The following DPP6 variants were observed in gnomAD, a reference collection of about 807,000 sequenced individuals.
The protein encoded by DPP6 is dipeptidyl peptidase like 6.
DPP6 carries 69 observed loss-of-function variants against 122.6 expected under a neutral mutation model. The observed-to-expected ratio is 0.56, with a 90% CI of 0.46 to 0.69. The LOEUF is 0.69. DPP6 is among the 30% of genes least tolerant of loss of function. DPP6 has a pLI of 0.00. For missense variants in DPP6, 928 were observed against 1,116.9 expected, an observed-to-expected ratio of 0.83 and a Z score of 2.41; for synonymous variants, 418 against 433.1, an observed-to-expected ratio of 0.97 and a Z score of 0.43.
chr7:153,977,382 G>A lies in DPP6; in HGVS notation c.51+89648G>A, dbSNP rs888837954. ...GTGCACAGCTGTGGCTGACAGCAGCGGCCTTTGCCACAATCAGTACTGGGC... is the reference window on the plus strand; with the variant it reads ...GTGCACAGCTGTGGCTGACAGCAGCAGCCTTTGCCACAATCAGTACTGGGC... On this transcript the variant is annotated intron_variant, in intron 1 of 25. Transcript: ENST00000404039. Among the ~76,000 whole-genome samples the A allele has an allele frequency of 6.6e-5, 10 of 152,182 alleles. No homozygotes were observed. The South Asian group carries it at 1.0e-3, about 16-fold the overall frequency.
At chr7:154,239,431 C>A (rs1175987768) in intron 1 of DPP6, among the ~76,000 whole-genome samples, 2 of 152,164 alleles carry the variant, frequency 1.3e-5, no homozygotes, top group Non-Finnish European at 2.9e-5. Context: ...TCCTACTCAA[C>A]ATGAAGATGA....
At chr7:154,015,770 T>C (rs528846449) in intron 1 of DPP6, among the ~76,000 whole-genome samples, 1 of 152,176 alleles carries the variant, frequency 6.6e-6, no homozygotes, top group Non-Finnish European at 1.5e-5. Context: ...CACTGTTGTC[T>C]CTCACTGGAA....
At chr7:154,432,783 A>C (rs771512075) in intron 1 of DPP6, among the ~76,000 whole-genome samples, 3 of 152,212 alleles carry the variant, frequency 2.0e-5, no homozygotes, top group Non-Finnish European at 4.4e-5. Flanking sequence ...ATCACAGGTC[A>C]TGAGTTCTGT....
chr7:153,782,893 G>C, the DPP6 span, among the ~76,000 whole-genome samples: 2 of 152,170 alleles, frequency 1.3e-5, no homozygotes, highest in Non-Finnish European at 2.9e-5. Context: ...CTGGACAAGA[G>C]AGCTGAGACC....
intron 21 of DPP6, chr7:154,885,418 C>T (rs1263424883): frequency 2.2e-5 from 13 of 589,754 alleles, no homozygotes; most frequent in East Asian, 9.6e-5. Flanking sequence ...GGCCCAGAAG[C>T]GGAGAAGGCG....
intron 1 of DPP6, among the ~76,000 whole-genome samples, chr7:153,911,037 G>T (rs1338610706): frequency 2.0e-5 from 3 of 152,194 alleles, no homozygotes; most frequent in Non-Finnish European, 4.4e-5. Context: ...ACACGGGTCA[G>T]ATTACTTCAC....
intron 1 of DPP6, among the ~76,000 whole-genome samples, chr7:154,206,875 G>T (rs112505210): frequency 8.5e-5 from 13 of 152,308 alleles, no homozygotes; most frequent in African/African-American, 2.9e-4. Flanking sequence ...TTTTAAATGC[G>T]TATGGGGTCA....
chr7:153,917,133 T>A (rs1387567547), intron 1 of DPP6, among the ~76,000 whole-genome samples: 7 of 152,206 alleles, frequency 4.6e-5, no homozygotes, highest in Non-Finnish European at 1.0e-4. Context: ...GGATGCTGCA[T>A]CTGTGAGCTG....
chr7:154,085,528 G>A (rs1016183123), intron 1 of DPP6, among the ~76,000 whole-genome samples: 4 of 152,094 alleles, frequency 2.6e-5, no homozygotes, highest in African/African-American at 9.7e-5. Context: ...TTTGCTGAAC[G>A]AACACAGTAA....
chr7:154,874,140 G>T (rs918218443), intron 19 of DPP6, among the ~76,000 whole-genome samples: 3 of 147,910 alleles, frequency 2.0e-5, no homozygotes, highest in Non-Finnish European at 4.5e-5. Flanking sequence ...CCACACATGT[G>T]CACACACACC....
At chr7:154,129,640 C>T (rs1808212497) in intron 1 of DPP6, among the ~76,000 whole-genome samples, 1 of 152,216 alleles carries the variant, frequency 6.6e-6, no homozygotes, top group South Asian at 2.1e-4. Context: ...TGGCTTACGC[C>T]TGTAATCCCA....
In DPP6 at chr7:154,328,187, T is replaced by A. The variant is rs1161194642; in HGVS notation, c.244-118027T>A. On this transcript the variant is annotated intron_variant, in intron 1 of 25. Transcript: ENST00000377770. ...TGGGTTGCTTGGCCCACACCCTGAG[T>A]GTAATATGTGATCAGGGTTAGAAAG... is the stretch of plus-strand genomic sequence containing the variant. Among the ~76,000 whole-genome samples, 3 of 152,006 alleles carry A rather than the reference T, an allele frequency of 2.0e-5. No homozygotes were observed. The East Asian group carries it at 5.8e-4, about 29-fold the overall frequency.
chr7:153,940,653 ACT>A lies in DPP6; in HGVS notation c.51+52922_51+52923del, dbSNP rs921201608. Among the ~76,000 whole-genome samples, 53 of 152,022 alleles carry A rather than the reference ACT, an allele frequency of 3.5e-4. 2 individuals are homozygous for A. The highest frequency in any genetic ancestry group is 3.1e-3 in the Admixed American group (48 of 15,258). On this transcript the variant is annotated intron_variant, in intron 1 of 25. Transcript: ENST00000404039. The stretch of plus-strand genomic sequence containing the variant: ...ATTTCCCCTTGCATCTCCCTGTAGG[ACT>A]CTGATGATTCATGTTGACATGTGTT...
chr7:154,371,398 A>C (rs1172137818), intron 1 of DPP6, among the ~76,000 whole-genome samples: 1 of 141,398 alleles, frequency 7.1e-6, no homozygotes, highest in East Asian at 1.9e-4. Flanking sequence ...AAAAAAAAAA[A>C]AAAAAAGAAA....
intron 1 of DPP6, among the ~76,000 whole-genome samples, chr7:154,015,302 C>T (rs901707751): frequency 6.6e-6 from 1 of 152,142 alleles, no homozygotes; most frequent in African/African-American, 2.4e-5. Flanking sequence ...CCCGCGTGAC[C>T]TCTCAGCATT....
intron 1 of DPP6, among the ~76,000 whole-genome samples, chr7:154,231,800 G>A (rs1800934680): frequency 6.6e-6 from 1 of 152,160 alleles, no homozygotes; most frequent in African/African-American, 2.4e-5. Context: ...CACCACTGCG[G>A]GCTTCCCCCA....
At chr7:154,666,823 C>T (rs925571955) in intron 6 of DPP6, among the ~76,000 whole-genome samples, 1 of 152,156 alleles carries the variant, frequency 6.6e-6, no homozygotes, top group Admixed American at 6.5e-5. Context: ...TGTATTTGTG[C>T]ATTGTTTGAG....
intron 1 of DPP6, among the ~76,000 whole-genome samples, chr7:154,327,420 T>C (rs1585951453): frequency 6.6e-6 from 1 of 152,126 alleles, no homozygotes; most frequent in East Asian, 1.9e-4. Context: ...TATATATTGA[T>C]GAAGAATTAG....
Position 154,772,826 on chromosome 7 carries a change from G to A in DPP6, c.1039-19G>A. 6.2e-7 allele frequency: 1 copy of A among 1,607,724 alleles called. No individual in the cohort carries two copies. Among genetic ancestry groups the A allele is most frequent in the Non-Finnish European group, 8.5e-7 (1 of 1,177,332 alleles). On this transcript the variant is annotated intron_variant, in intron 9 of 25. Coordinates refer to ENST00000377770, the MANE Select transcript of DPP6 (RefSeq NM_130797.4). ...TATAAGGCTGCTTGTTCATGTCTCT[G>A]CCCCTTTTTAATCCCCAGGCTGGAA... is the stretch of plus-strand genomic sequence containing the variant.
Sources: allele counts gnomAD v4.1 joint callset (sites outside exome capture counted in the v4.1 genomes callset), GRCh38; gene constraint gnomAD v4.1.1; transcripts MANE v1.5; gene names NCBI Gene and HGNC (gene_info 2026-07-23, HGNC 2026-07-21).